BTAF1: variants seen among roughly 807,000 people sequenced by gnomAD.
BTAF1 encodes the protein TATA-binding protein-associated factor 172.
Under a neutral mutation model 227.1 loss-of-function variants are expected in BTAF1, and 38 were observed. The ratio of observed to expected loss-of-function variants is 0.17; its 90% CI spans 0.13 to 0.22. BTAF1 has a LOEUF of 0.22. BTAF1 is among the 10% of genes least tolerant of loss of function. The probability of loss-of-function intolerance (pLI) is 1.00; values close to 1 mark genes in which losing one functional copy is unlikely to be tolerated. For synonymous variants in BTAF1, 742 were observed against 751.9 expected (o/e 0.99, Z 0.21); for missense variants, 1,598 against 2,204.0 (o/e 0.73, Z 5.51).
At chr10:91,997,844 C>T (rs1849244789) in intron 25 of BTAF1, 93 bp downstream of exon 25, 6 of 1,306,872 alleles carry the variant, frequency 4.6e-6, no homozygotes, top group Middle Eastern at 1.9e-4. Flanking sequence ...TACAAAGGCT[C>T]ATGCCTGTAA....
At chr10:92,010,132 C>T (rs1850197019) in intron 28 of BTAF1, among the ~76,000 whole-genome samples, 1 of 152,058 alleles carries the variant, frequency 6.6e-6, no homozygotes, top group African/African-American at 2.4e-5. Context: ...TATGTATTCT[C>T]ACAGTCACTT....
Position 92,016,327 on chromosome 10 carries a change from G to A in BTAF1, c.4585-13G>A. On this transcript the variant is annotated splice_polypyrimidine_tract_variant and intron_variant, in intron 32 of 37. Transcript: ENST00000265990. ...ATATACTTAAAGCTTCTCCCACGGG[G>A]GCCATTTTACAGGTTCAGCTCTATG... is the stretch of plus-strand genomic sequence containing the variant. 6.3e-7 allele frequency: 1 copy of A among 1,584,834 alleles called. No homozygotes were observed. The highest frequency in any genetic ancestry group is 8.5e-7 in the Non-Finnish European group (1 of 1,170,450).
At chr10:92,002,213 G>A (rs1363632185) in intron 25 of BTAF1, among the ~76,000 whole-genome samples, 1 of 152,096 alleles carries the variant, frequency 6.6e-6, no homozygotes, top group Non-Finnish European at 1.5e-5. Context: ...ATAGAAACAA[G>A]AATGATGTCG....
At chr10:91,996,609 T>C (rs1388593330) in intron 24 of BTAF1, 39 bp downstream of exon 24, 17 of 1,582,396 alleles carry the variant, frequency 1.1e-5, no homozygotes, top group Non-Finnish European at 1.5e-5. Flanking sequence ...AGGAATTATA[T>C]TCATTTCACT....
intron 2 of BTAF1, among the ~76,000 whole-genome samples, chr10:91,937,039 G>C (rs1844661981): frequency 1.3e-5 from 2 of 149,584 alleles, no homozygotes; most frequent in South Asian, 4.2e-4. Flanking sequence ...GACAGTCTCA[G>C]GCTGGAGTGC....
chr10:91,994,608 A>G lies in BTAF1; in HGVS notation c.3273A>G (p.Thr1091=), dbSNP rs200787130. The G allele has an allele frequency of 2.5e-5, 41 of 1,614,052 alleles. No homozygotes were observed. In the Admixed American group the frequency reaches 5.8e-4, roughly 23 times the overall value. ...ELVNSLQVFE[T]AAASMDSELH... is the part of the protein sequence containing the mutation. ...TGAATTCTCTGCAGGTTTTTGAAAC[A>G]GCAGCAGCTTCAATGGATTCTGAGC... Residue 1091 remains threonine (T), a synonymous_variant, in exon 23 of 38, where the codon ACA becomes ACG. Transcript: ENST00000265990.
At position 91,981,806 on chromosome 10, in the gene BTAF1, G is replaced by T; in HGVS notation, c.1905+14G>T. The T allele has an allele frequency of 6.2e-7, 1 of 1,605,350 alleles. No homozygotes were observed. The highest frequency in any genetic ancestry group is 1.1e-5 in the South Asian group (1 of 89,592). On this transcript the variant is annotated intron_variant, in intron 16 of 37. Transcript: ENST00000265990. ...GCTAGAGCCAAGGTAAGTGTAGAGG[G>T]ACATAGTGTATTTGTGTGTTCATCA...
chr10:91,958,981 G>T, intron 8 of BTAF1, 84 bp from the exon 9 acceptor site: 1 of 1,174,272 alleles, frequency 8.5e-7, no homozygotes. Context: ...TAAAAATCCA[G>T]TATCCCTATT....
intron 37 of BTAF1, among the ~76,000 whole-genome samples, chr10:92,027,508 G>A (rs1479595451): frequency 6.6e-6 from 1 of 151,596 alleles, no homozygotes; most frequent in Non-Finnish European, 1.5e-5. Flanking sequence ...TGTCTTCAGT[G>A]TCTTGCCACA....
chr10:91,947,514 A>G (rs1259310534), intron 4 of BTAF1, among the ~76,000 whole-genome samples: 4 of 152,146 alleles, frequency 2.6e-5, no homozygotes, highest in African/African-American at 7.2e-5. Flanking sequence ...AAATCAATTG[A>G]CCATCAGACA....
At chr10:91,967,240 T>C (rs1170668340) in intron 14 of BTAF1, among the ~76,000 whole-genome samples, 2 of 152,190 alleles carry the variant, frequency 1.3e-5, no homozygotes, top group African/African-American at 4.8e-5. Flanking sequence ...TCAAGGATAG[T>C]ATACTTCAGG....
rs60208547 is a variant in BTAF1, at chr10:91,928,760, T to TCCCCCC, written c.14+4678_14+4683dup. Among the ~76,000 whole-genome samples, 379 of 111,796 alleles carry TCCCCCC rather than the reference T, an allele frequency of 3.4e-3. 9 individuals are homozygous for TCCCCCC. Among genetic ancestry groups the TCCCCCC allele is most frequent in the African/African-American group, 8.7e-3 (200 of 23,032 alleles). 73.3% of individuals were successfully genotyped at this position (111,796 alleles called of 152,430 possible). Reference sequence around the variant, plus strand: ...GCCTGGGCAACAGAGCAAGAATCCATCCCCCCCCCCCCCGCCCCCCAAAAA... The same window carrying TCCCCCC: ...GCCTGGGCAACAGAGCAAGAATCCATCCCCCCCCCCCCCCCCCCCGCCCCCCAAAAA... On this transcript the variant is annotated intron_variant, in intron 1 of 37. Coordinates refer to ENST00000265990, the MANE Select transcript of BTAF1 (RefSeq NM_003972.3).
intron 2 of BTAF1, 82 bp from the exon 3 acceptor site, chr10:91,939,870 A>G (rs1844875559): frequency 5.0e-6 from 4 of 805,518 alleles, no homozygotes; most frequent in African/African-American, 1.7e-5. Flanking sequence ...ATTAATAACA[A>G]GTAAATTTGT....
At chr10:91,934,617 G>A (rs2133788622) in intron 1 of BTAF1, among the ~76,000 whole-genome samples, 1 of 152,160 alleles carries the variant, frequency 6.6e-6, no homozygotes, top group Non-Finnish European at 1.5e-5. Context: ...TTAGTTTCTT[G>A]ACCCAAGACC....
intron 15 of BTAF1, among the ~76,000 whole-genome samples, chr10:91,981,341 G>A (rs1418727348): frequency 6.6e-6 from 1 of 151,950 alleles, no homozygotes; most frequent in Non-Finnish European, 1.5e-5. Context: ...ATATGCAAAG[G>A]ATTTATTTCA....
In BTAF1 at chr10:91,980,528, C is replaced by T; in HGVS notation, c.1725C>T (p.Ser575=). ...RHIFQFCVLE[S]SQEILDLIHK... Reference sequence around the variant, plus strand: ...TTTTTCAGTTCTGTGTTTTGGAAAGCAGCCAGGAAATTCTGGACCTTATTC... The same window carrying T: ...TTTTTCAGTTCTGTGTTTTGGAAAGTAGCCAGGAAATTCTGGACCTTATTC... The change falls in exon 15 of 38, where the codon AGC becomes AGT. Residue 575 remains serine, a synonymous_variant. Transcript: ENST00000265990. The T allele has an allele frequency of 6.2e-7, 1 of 1,612,720 alleles. No homozygotes were observed. The highest frequency in any genetic ancestry group is 8.5e-7 in the Non-Finnish European group (1 of 1,179,036).
At chr10:92,020,910 C>A (rs1851074222) in intron 34 of BTAF1, among the ~76,000 whole-genome samples, 1 of 151,828 alleles carries the variant, frequency 6.6e-6, no homozygotes, top group Non-Finnish European at 1.5e-5. Flanking sequence ...ACATTGATCT[C>A]TTATTTTAGA....
At chr10:91,963,576 C>G (rs1405093019) in intron 12 of BTAF1, among the ~76,000 whole-genome samples, 1 of 152,082 alleles carries the variant, frequency 6.6e-6, no homozygotes, top group African/African-American at 2.4e-5. Flanking sequence ...CCCCTCTAGT[C>G]TCATTTTTTG....
At chr10:92,023,672 A>T (rs112475291) in intron 34 of BTAF1, among the ~76,000 whole-genome samples, 1,800 of 152,222 alleles carry the variant, frequency 0.012, 34 homozygotes, top group African/African-American at 0.04. Flanking sequence ...TGATAGAGGG[A>T]GACTCTGTCT....
Sources: gnomAD v4.1 joint callset for allele counts (sites outside exome capture counted in the v4.1 genomes callset) on GRCh38, gnomAD v4.1.1 for gene constraint, MANE v1.5 for transcripts, NCBI Gene and HGNC (gene_info 2026-07-23, HGNC 2026-07-21) for gene names.